SNX29: variants seen among roughly 807,000 people sequenced by gnomAD.
The protein encoded by SNX29 is sorting nexin 29, also known as sorting nexin-29.
Under a neutral mutation model 102.1 loss-of-function variants are expected in SNX29, and 78 were observed. The observed-to-expected ratio is 0.76, with a 90% CI of 0.64 to 0.92. The LOEUF is 0.92. Ranked by LOEUF, SNX29 falls within the 40% of genes least tolerant of loss-of-function variation. The pLI is 0.00. For synonymous variants in SNX29, 580 were observed against 414.5 expected, an observed-to-expected ratio of 1.40 and a Z score of -4.85; for missense variants, 1,280 against 1,061.7, an observed-to-expected ratio of 1.21 and a Z score of -2.86.
chr16:12,439,086 C>T (rs1398119403), intron 18 of SNX29, among the ~76,000 whole-genome samples: 1 of 152,218 alleles, frequency 6.6e-6, no homozygotes. Flanking sequence ...TTCCCTTCCC[C>T]AGCCTCCCTC....
intron 14 of SNX29, among the ~76,000 whole-genome samples, chr16:12,258,948 T>C (rs2078654288): frequency 6.6e-6 from 1 of 152,128 alleles, no homozygotes; most frequent in Non-Finnish European, 1.5e-5. Flanking sequence ...CTCACTATGA[T>C]AGCCTGGTAC....
At chr16:12,106,687 C>T (rs899260486) in intron 11 of SNX29, among the ~76,000 whole-genome samples, 1 of 150,330 alleles carries the variant, frequency 6.7e-6, no homozygotes, top group Non-Finnish European at 1.5e-5. Context: ...CACTGTGTTG[C>T]CTAGGCTTAT....
At chr16:12,536,249 AT>A (rs1378254145) in intron 20 of SNX29, among the ~76,000 whole-genome samples, 17 of 152,068 alleles carry the variant, frequency 1.1e-4, no homozygotes, top group Non-Finnish European at 1.5e-5. Flanking sequence ...TTTTTTATGC[AT>A]GAGAACTTGC....
chr16:12,218,379 G>C (rs1162827579), intron 14 of SNX29, among the ~76,000 whole-genome samples: 3 of 152,182 alleles, frequency 2.0e-5, no homozygotes, highest in African/African-American at 7.2e-5. Flanking sequence ...TGGAATTACA[G>C]TCTATGTCAG....
chr16:12,090,929 C>T (rs993757900), intron 11 of SNX29, among the ~76,000 whole-genome samples: 1 of 138,800 alleles, frequency 7.2e-6, no homozygotes, highest in African/African-American at 2.7e-5. Context: ...GCAGGAGAAT[C>T]ACTTGAACCC....
chr16:12,000,323 T>C (rs2056240764), intron 2 of SNX29: 1 of 152,276 alleles, frequency 6.6e-6, no homozygotes, highest in African/African-American at 2.4e-5. Context: ...GTTCCTACAA[T>C]TGGTTTCATT....
At chr16:12,298,351 A>C (rs1202872424) in intron 15 of SNX29, among the ~76,000 whole-genome samples, 2 of 152,210 alleles carry the variant, frequency 1.3e-5, no homozygotes, top group Non-Finnish European at 2.9e-5. Flanking sequence ...CATCCCCTGG[A>C]TGGTTTTCTG....
chr16:12,493,597 C>T (rs368376073), intron 19 of SNX29, among the ~76,000 whole-genome samples: 5 of 152,216 alleles, frequency 3.3e-5, no homozygotes, highest in African/African-American at 2.4e-5. Context: ...TGAGAGAGGG[C>T]GTTGTTGTTG....
At chr16:12,549,676 C>T (rs921868480) in intron 20 of SNX29, among the ~76,000 whole-genome samples, 6 of 152,336 alleles carry the variant, frequency 3.9e-5, no homozygotes, top group East Asian at 1.9e-4. Flanking sequence ...TCCCAAGGCC[C>T]GGCATCTTGA....
chr16:12,049,087 G>C (rs914694475), intron 7 of SNX29, among the ~76,000 whole-genome samples: 1 of 152,140 alleles, frequency 6.6e-6, no homozygotes, highest in Non-Finnish European at 1.5e-5. Flanking sequence ...AGCATAGACT[G>C]CTATGGGGAA....
intron 20 of SNX29, among the ~76,000 whole-genome samples, chr16:12,541,921 C>T (rs1014473300): frequency 2.0e-5 from 3 of 152,158 alleles, no homozygotes; most frequent in Non-Finnish European, 4.4e-5. Flanking sequence ...CACTGATTGC[C>T]CACGGTACAT....
chr16:12,203,270 G>A (rs544133825), intron 14 of SNX29, among the ~76,000 whole-genome samples: 5 of 150,082 alleles, frequency 3.3e-5, no homozygotes, highest in East Asian at 2.0e-4. Context: ...CTGAAGTTGC[G>A]TAGTGTGGCC....
chr16:12,207,718 CTT>C (rs1463814427), intron 14 of SNX29, among the ~76,000 whole-genome samples: 2 of 152,162 alleles, frequency 1.3e-5, no homozygotes, highest in Non-Finnish European at 2.9e-5. Flanking sequence ...CGATCCAGCT[CTT>C]CTCCTGTCAC....
intron 13 of SNX29, among the ~76,000 whole-genome samples, chr16:12,173,287 A>G (rs913337076): frequency 3.3e-5 from 5 of 152,284 alleles, no homozygotes; most frequent in African/African-American, 4.8e-5. Context: ...TCGTGGAGCA[A>G]TGTTATATTC....
chr16:12,546,102 C>T (rs1314894436), intron 20 of SNX29, among the ~76,000 whole-genome samples: 1 of 152,146 alleles, frequency 6.6e-6, no homozygotes, highest in Non-Finnish European at 1.5e-5. Context: ...CACTGTGTGA[C>T]TTTGGACAAT....
chr16:12,378,106 G>C (rs1227727843), intron 16 of SNX29, among the ~76,000 whole-genome samples: 5 of 152,212 alleles, frequency 3.3e-5, no homozygotes, highest in Non-Finnish European at 7.3e-5. Context: ...AGGTAGGTGA[G>C]TGCCTCATTG....
chr16:12,203,085 G>A (rs187797351), intron 14 of SNX29, among the ~76,000 whole-genome samples: 159 of 151,058 alleles, frequency 1.1e-3, no homozygotes, highest in African/African-American at 3.7e-3. Context: ...CAGCTCTCAA[G>A]TTGTGTAGTG....
intron 19 of SNX29, 49 bp downstream of exon 19, chr16:12,477,908 G>A (rs527486663): frequency 2.0e-6 from 3 of 1,527,812 alleles, no homozygotes; most frequent in East Asian, 2.3e-5. Context: ...GCGTTAAAAT[G>A]GATTATTTAT....
At chr16:12,352,158 CAT>C (rs552801675) in intron 15 of SNX29, among the ~76,000 whole-genome samples, 130 of 152,262 alleles carry the variant, frequency 8.5e-4, no homozygotes, top group Non-Finnish European at 1.2e-3. Flanking sequence ...AAATGTGGCA[CAT>C]ATAGACCATG....
Sources: gnomAD v4.1 joint callset for allele counts (sites outside exome capture counted in the v4.1 genomes callset) on GRCh38, gnomAD v4.1.1 for gene constraint, MANE v1.5 for transcripts, NCBI Gene and HGNC (gene_info 2026-07-23, HGNC 2026-07-21) for gene names.